CWC27: variants seen among roughly 807,000 people sequenced by gnomAD.
CWC27 encodes CWC27 spliceosome associated cyclophilin.
CWC27 carries 47 observed loss-of-function variants against 63.6 expected under a neutral mutation model. That is an observed-to-expected ratio of 0.74 (90% CI 0.58 to 0.94). CWC27 has a LOEUF of 0.94. CWC27 is among the 40% of genes least tolerant of loss of function. The pLI, the probability that CWC27 is intolerant of heterozygous loss-of-function variation, is 0.00. For missense variants in CWC27, 495 were observed against 554.3 expected (o/e 0.89, Z 1.07); for synonymous variants, 175 against 179.8 (o/e 0.97, Z 0.22).
chr5:64,779,971 A>G (rs113050503), intron 2 of CWC27, among the ~76,000 whole-genome samples: 128 of 152,296 alleles, frequency 8.4e-4, no homozygotes, highest in African/African-American at 3.0e-3. Context: ...AGGCCTCCCC[A>G]GCAATGTGGG....
At chr5:64,904,279 CCAAAAT>C (rs1410534110) in intron 11 of CWC27, among the ~76,000 whole-genome samples, 2 of 152,126 alleles carry the variant, frequency 1.3e-5, no homozygotes, top group African/African-American at 4.8e-5. Flanking sequence ...ACAAGTGACT[CCAAAAT>C]TAACAGGCTT....
intron 10 of CWC27, among the ~76,000 whole-genome samples, chr5:64,829,144 T>C (rs761819636): frequency 3.9e-5 from 6 of 152,154 alleles, no homozygotes; most frequent in Non-Finnish European, 7.4e-5. Flanking sequence ...TATAAAATGA[T>C]TTTTCATGAT....
intron 11 of CWC27, among the ~76,000 whole-genome samples, chr5:64,893,728 G>A (rs1458430935): frequency 6.6e-6 from 1 of 152,124 alleles, no homozygotes; most frequent in Non-Finnish European, 1.5e-5. Flanking sequence ...AATATTTTAG[G>A]TTTTTTAAAG....
intron 13 of CWC27, among the ~76,000 whole-genome samples, chr5:65,007,019 AAAGAAAAG>A (rs1376665270): frequency 4.8e-5 from 7 of 146,476 alleles, no homozygotes; most frequent in Middle Eastern, 3.6e-3. Context: ...AGAAAGAAAG[AAAGAAAAG>A]AAAGAAAGGA....
At chr5:64,885,732 TGTGTG>T (rs1747058930) in intron 11 of CWC27, among the ~76,000 whole-genome samples, 186 bp downstream of exon 11, 3 of 143,334 alleles carry the variant, frequency 2.1e-5, no homozygotes, top group Non-Finnish European at 4.4e-5. Flanking sequence ...TGTGTGTGTG[TGTGTG>T]TTTTTAATAC....
At chr5:64,989,759 T>A (rs1235769300) in intron 13 of CWC27, among the ~76,000 whole-genome samples, 4 of 152,174 alleles carry the variant, frequency 2.6e-5, no homozygotes, top group Non-Finnish European at 5.9e-5. Context: ...TTGCATGGTG[T>A]AGGCCAGAGG....
intron 1 of CWC27, among the ~76,000 whole-genome samples, chr5:64,774,327 C>T (rs970003572): frequency 6.6e-6 from 1 of 152,118 alleles, no homozygotes; most frequent in African/African-American, 2.4e-5. Context: ...AACAAATTTT[C>T]TTAGAGACAG....
intron 13 of CWC27, among the ~76,000 whole-genome samples, chr5:65,014,480 T>G (rs953792232): frequency 2.6e-5 from 4 of 151,966 alleles, no homozygotes; most frequent in African/African-American, 9.7e-5. Context: ...ATTTTTGTCT[T>G]TGCCTTCAAG....
At chr5:64,948,850 C>T (rs1387877743) in intron 11 of CWC27, among the ~76,000 whole-genome samples, 3 of 151,820 alleles carry the variant, frequency 2.0e-5, no homozygotes, top group Non-Finnish European at 4.4e-5. Context: ...ATGAGTGTGA[C>T]TAGAGGGGAG....
chr5:64,803,179 A>AC (rs955336267), intron 9 of CWC27, among the ~76,000 whole-genome samples: 1 of 152,202 alleles, frequency 6.6e-6, no homozygotes, highest in African/African-American at 2.4e-5. Flanking sequence ...GACTTTGAGG[A>AC]CCAGTGCTTT....
intron 11 of CWC27, among the ~76,000 whole-genome samples, chr5:64,947,188 C>T (rs1448952016): frequency 2.6e-5 from 4 of 152,090 alleles, no homozygotes; most frequent in Non-Finnish European, 5.9e-5. Context: ...ACTGTTCCAC[C>T]TTGTTTCTCA....
chr5:64,798,786 A>G (rs1053282352), intron 7 of CWC27, among the ~76,000 whole-genome samples: 3 of 152,220 alleles, frequency 2.0e-5, no homozygotes, highest in Non-Finnish European at 4.4e-5. Context: ...TCATTTAAAC[A>G]TTTTAGTTAA....
At chr5:64,870,938 C>G (rs1385959446) in intron 10 of CWC27, among the ~76,000 whole-genome samples, 1 of 152,010 alleles carries the variant, frequency 6.6e-6, no homozygotes, top group Non-Finnish European at 1.5e-5. Flanking sequence ...TTCTTTTGTG[C>G]TTGACAAGGA....
rs560197930 is a variant in CWC27, at chr5:64,807,715, G to A, written c.938+3329G>A. The A allele has an allele frequency of 3.8e-5, 59 of 1,535,884 alleles. No homozygotes were observed. The African/African-American group carries it at 7.9e-4, about 21-fold the overall frequency. On this transcript the variant is annotated intron_variant, in intron 10 of 13. Transcript: ENST00000381070. ...GATTCCAGCCTCAGCTGTGTCTCCAGTGCTTCCTTATTACTCACTCGCCAC... is the reference window on the plus strand; with the variant it reads ...GATTCCAGCCTCAGCTGTGTCTCCAATGCTTCCTTATTACTCACTCGCCAC...
At chr5:64,828,633 T>C (rs187217505) in intron 10 of CWC27, among the ~76,000 whole-genome samples, 26 of 152,194 alleles carry the variant, frequency 1.7e-4, no homozygotes, top group Non-Finnish European at 3.4e-4. Flanking sequence ...CAAGACAGAT[T>C]GTAAACATTC....
Position 64,804,394 on chromosome 5 carries a change from A to C in CWC27, c.938+8A>C. ...GAAATCAGTCAGCCGCAGGTGAGTC[A>C]GTTACTGTGCTAGATATCAGAGTTT... On this transcript the variant is annotated splice_region_variant and intron_variant, in intron 10 of 13. Coordinates refer to ENST00000381070, the MANE Select transcript of CWC27 (RefSeq NM_005869.4). 1 of 1,606,960 alleles carries C rather than the reference A, an allele frequency of 6.2e-7. No homozygotes were observed. Among genetic ancestry groups the C allele is most frequent in the Non-Finnish European group, 8.5e-7 (1 of 1,177,148 alleles).
At chr5:64,954,494 G>A (rs1748767529) in intron 11 of CWC27, among the ~76,000 whole-genome samples, 1 of 151,802 alleles carries the variant, frequency 6.6e-6, no homozygotes, top group African/African-American at 2.4e-5. Flanking sequence ...ATGTTGCCCA[G>A]CCTGGACTCG....
At chr5:64,864,937 C>T (rs1746498897) in intron 10 of CWC27, among the ~76,000 whole-genome samples, 1 of 151,948 alleles carries the variant, frequency 6.6e-6, no homozygotes, top group Non-Finnish European at 1.5e-5. Flanking sequence ...ATATACAATG[C>T]ATTATTATTA....
At chr5:64,950,434 G>C (rs925618051) in intron 11 of CWC27, among the ~76,000 whole-genome samples, 23 of 151,836 alleles carry the variant, frequency 1.5e-4, no homozygotes, top group African/African-American at 5.3e-4. Flanking sequence ...TTTGATGCTT[G>C]TTATACGTAA....
Sources: allele counts gnomAD v4.1 joint callset (sites outside exome capture counted in the v4.1 genomes callset), GRCh38; gene constraint gnomAD v4.1.1; transcripts MANE v1.5; gene names NCBI Gene and HGNC (gene_info 2026-07-23, HGNC 2026-07-21).